DIAPH2: variants seen among roughly 807,000 people sequenced by gnomAD.
DIAPH2 encodes protein diaphanous homolog 2.
DIAPH2 carries 35 observed loss-of-function variants against 92.7 expected under a neutral mutation model. The ratio of observed to expected loss-of-function variants is 0.38; its 90% CI spans 0.29 to 0.50. DIAPH2 has a LOEUF of 0.50. DIAPH2 is among the 20% of genes least tolerant of loss of function. The pLI, the probability that DIAPH2 is intolerant of heterozygous loss-of-function variation, is 0.94. For missense variants in DIAPH2, 701 were observed against 819.5 expected, an observed-to-expected ratio of 0.86 and a Z score of 1.77; for synonymous variants, 301 against 280.4, an observed-to-expected ratio of 1.07 and a Z score of -0.73.
intron 17 of DIAPH2, among the ~76,000 whole-genome samples, chrX:96,988,321 G>C (rs1035549725): frequency 1.8e-5 from 2 of 110,859 alleles, no homozygotes; most frequent in African/African-American, 6.5e-5. Context: ...GCTTAAGTGT[G>C]ATGGTTATGG....
intron 23 of DIAPH2, among the ~76,000 whole-genome samples, chrX:97,292,960 T>C (rs1274016484): frequency 9.0e-6 from 1 of 111,228 alleles, no homozygotes; most frequent in African/African-American, 3.3e-5. Flanking sequence ...AGCAATAGTA[T>C]AACAGACTTA....
chrX:96,971,992 G>A (rs765254072), intron 17 of DIAPH2, among the ~76,000 whole-genome samples: 19 of 111,762 alleles, frequency 1.7e-4, no homozygotes, highest in African/African-American at 5.9e-4. Flanking sequence ...TAGGTGGCAG[G>A]TTTAGTAAGA....
At chrX:96,762,791 A>G (rs1172441306) in intron 4 of DIAPH2, among the ~76,000 whole-genome samples, 1 of 111,005 alleles carries the variant, frequency 9.0e-6, no homozygotes, top group Non-Finnish European at 1.9e-5. Context: ...AACATTGCAT[A>G]ACTTGATATT....
At chrX:97,337,472 C>T (rs1038652748) in intron 23 of DIAPH2, among the ~76,000 whole-genome samples, 2 of 111,250 alleles carry the variant, frequency 1.8e-5, no homozygotes, top group African/African-American at 3.3e-5. Flanking sequence ...CACTGTCTGG[C>T]ATTTCCCCTG....
At chrX:97,487,387 G>A (rs12396444) in intron 26 of DIAPH2, among the ~76,000 whole-genome samples, 6,307 of 111,007 alleles carry the variant, frequency 0.057, 444 homozygotes, top group African/African-American at 0.19. Context: ...CAATTCTCCT[G>A]CCTCAGCCTC....
chrX:96,762,365 A>G (rs1349187642), intron 4 of DIAPH2, among the ~76,000 whole-genome samples: 1 of 111,471 alleles, frequency 9.0e-6, no homozygotes, highest in African/African-American at 3.2e-5. Context: ...GAACATGTGC[A>G]TGTTTAGATG....
intron 26 of DIAPH2, among the ~76,000 whole-genome samples, chrX:97,463,953 T>A (rs747291872): frequency 1.1e-4 from 12 of 110,922 alleles, no homozygotes; most frequent in Non-Finnish European, 1.9e-4. Context: ...TTTCTAATTT[T>A]TTTTATTGAC....
intron 4 of DIAPH2, among the ~76,000 whole-genome samples, chrX:96,805,848 T>G (rs187982807): frequency 8.9e-6 from 1 of 112,234 alleles, no homozygotes; most frequent in Non-Finnish European, 1.9e-5. Context: ...TAACAGTGAC[T>G]CTTTGGAAAC....
intron 17 of DIAPH2, among the ~76,000 whole-genome samples, chrX:96,974,645 CT>C (rs2065949292): frequency 9.0e-6 from 1 of 111,289 alleles, no homozygotes; most frequent in Non-Finnish European, 1.9e-5. Flanking sequence ...CTGTTAGTAG[CT>C]TTGAATATGT....
At chrX:96,986,235 C>T (rs928732705) in intron 17 of DIAPH2, among the ~76,000 whole-genome samples, 10 of 110,937 alleles carry the variant, frequency 9.0e-5, no homozygotes, top group Non-Finnish European at 1.9e-4. Flanking sequence ...TAATTTTTTG[C>T]ACTTTCCAGT....
chrX:97,554,603 C>A (rs2071244378), intron 26 of DIAPH2, among the ~76,000 whole-genome samples: 1 of 111,820 alleles, frequency 8.9e-6, no homozygotes, highest in Non-Finnish European at 1.9e-5. Context: ...GCTTCAGGAA[C>A]TCACTGAAAG....
intron 17 of DIAPH2, among the ~76,000 whole-genome samples, chrX:97,037,001 T>TA (rs2066415617): frequency 9.0e-6 from 1 of 111,551 alleles, no homozygotes; most frequent in African/African-American, 3.3e-5. Flanking sequence ...TATTTTTTTT[T>TA]AATCTCAGAT....
chrX:96,979,102 C>T (rs910106540), intron 17 of DIAPH2, among the ~76,000 whole-genome samples: 12 of 111,707 alleles, frequency 1.1e-4, no homozygotes, highest in Admixed American at 1.9e-4. Flanking sequence ...AGCCTAATTT[C>T]GTCATTAATA....
At chrX:97,148,013 A>G (rs940575496) in intron 22 of DIAPH2, among the ~76,000 whole-genome samples, 27 of 111,559 alleles carry the variant, frequency 2.4e-4, no homozygotes, top group South Asian at 3.7e-4. Flanking sequence ...TGGGGGGAAG[A>G]AGAAAGATGA....
intron 4 of DIAPH2, among the ~76,000 whole-genome samples, chrX:96,765,644 CCA>C (rs1344658973): frequency 3.6e-5 from 4 of 111,451 alleles, no homozygotes; most frequent in Non-Finnish European, 7.5e-5. Context: ...TCAAAACTAT[CCA>C]CAGTTTTAGG....
intron 20 of DIAPH2, among the ~76,000 whole-genome samples, chrX:97,112,873 G>C (rs1338906661): frequency 1.0e-5 from 1 of 95,840 alleles, no homozygotes; most frequent in Admixed American, 1.3e-4. Flanking sequence ...CGCCTACCAG[G>C]CTCAAGCGAT....
At chrX:97,061,821 A>G (rs1175629338) in intron 17 of DIAPH2, among the ~76,000 whole-genome samples, 3 of 107,987 alleles carry the variant, frequency 2.8e-5, no homozygotes, top group Non-Finnish European at 3.8e-5. Flanking sequence ...CTCAAAAAAA[A>G]AAAAAAAAAA....
chrX:97,120,489 C>T (rs184446116), intron 21 of DIAPH2, among the ~76,000 whole-genome samples: 12 of 109,887 alleles, frequency 1.1e-4, no homozygotes, highest in Middle Eastern at 4.7e-3. Flanking sequence ...AAATTCACAA[C>T]GCAAGCCTCC....
At chrX:97,398,579 C>T (rs1376190536) in intron 25 of DIAPH2, among the ~76,000 whole-genome samples, 4 of 110,344 alleles carry the variant, frequency 3.6e-5, no homozygotes, top group Non-Finnish European at 7.6e-5. Context: ...GCCTATTCTC[C>T]CTCATCCTCT....
Sources: allele counts gnomAD v4.1 joint callset (sites outside exome capture counted in the v4.1 genomes callset), GRCh38; gene constraint gnomAD v4.1.1; transcripts MANE v1.5; gene names NCBI Gene and HGNC (gene_info 2026-07-23, HGNC 2026-07-21).